TUBB8B: variants seen among roughly 807,000 people sequenced by gnomAD.
The protein encoded by TUBB8B is HSA18p11 beta-tubulin 4Q pseudogene.
TUBB8B carries 26 observed loss-of-function variants against 31.9 expected under a neutral mutation model. The observed-to-expected ratio is 0.81, with a 90% CI of 0.60 to 1.13. The LOEUF (loss-of-function observed/expected upper bound fraction) is 1.13, where lower values mean the gene tolerates loss of function less well. Among genes scored for constraint, TUBB8B ranks in the 50% most tolerant of loss-of-function variants. The probability of loss-of-function intolerance (pLI) is 0.00; values close to 1 mark genes in which losing one functional copy is unlikely to be tolerated. For synonymous variants in TUBB8B, 173 were observed against 231.0 expected (o/e 0.75, Z 2.28); for missense variants, 467 against 586.7 (o/e 0.80, Z 2.11).
rs191337206 is a variant in TUBB8B, at chr18:49,531, G to A, written c.27C>T (p.Thr9=). Residue 9 remains threonine (T), a synonymous_variant, in exon 1 of 4, where the codon ACC becomes ACT. Coordinates refer to ENST00000308911, the MANE Select transcript of TUBB8B (RefSeq NM_001358689.2). ...CGCCGATCTGGTTCCCGCACTGCCC[G>A]GTCTGCGTGAGCACGATTTCCCTCA... MREIVLTQ[T]GQCGNQIGAK... 6.0e-3 allele frequency: 5,656 copies of A among 937,012 alleles called. 319 individuals carry two copies. The African/African-American group carries it at 0.078, about 13-fold the overall frequency. The allele number at this position is 937,012 out of a possible 1,614,324, so 58.0% of individuals were successfully genotyped here. A position where few individuals can be genotyped will look rare whatever the true frequency, so the allele number is the denominator to read the frequency against.
upstream of TUBB8B, among the ~76,000 whole-genome samples, chr18:51,989 T>C (rs1906127663): frequency 1.3e-5 from 2 of 151,408 alleles, no homozygotes; most frequent in African/African-American, 4.8e-5. Context: ...GGGTTTATGG[T>C]TTGCCAGGCT....
At chr18:51,925 A>G (rs11664612), upstream of TUBB8B, among the ~76,000 whole-genome samples, 1,590 of 147,516 alleles carry the variant, frequency 0.011, 19 homozygotes, top group Middle Eastern at 0.021. Context: ...GACTAATACA[A>G]CCTGTATGCC....
the TUBB8B span, among the ~76,000 whole-genome samples, chr18:63,571 C>G: frequency 2.0e-5 from 3 of 151,354 alleles, no homozygotes; most frequent in Non-Finnish European, 4.4e-5. Flanking sequence ...TCACCCAAGG[C>G]CCACTGTAAC....
chr18:63,967 C>T, the TUBB8B span, among the ~76,000 whole-genome samples: 1 of 150,784 alleles, frequency 6.6e-6, no homozygotes, highest in Admixed American at 6.6e-5. Flanking sequence ...TAACCCCTAA[C>T]CCTAACCCCA....
the TUBB8B span, among the ~76,000 whole-genome samples, chr18:62,855 T>A: frequency 1.3e-5 from 2 of 151,852 alleles, no homozygotes; most frequent in Admixed American, 1.3e-4. Flanking sequence ...CCTCTGACTT[T>A]TTCTTTTCAA....
chr18:72,327 C>T, the TUBB8B span, among the ~76,000 whole-genome samples: 2 of 151,956 alleles, frequency 1.3e-5, no homozygotes, highest in African/African-American at 4.8e-5. Context: ...TAGTGACTTT[C>T]TTCAATTAAT....
the TUBB8B span, among the ~76,000 whole-genome samples, chr18:58,547 T>G: frequency 2.7e-4 from 41 of 151,902 alleles, no homozygotes; most frequent in African/African-American, 9.6e-4. Flanking sequence ...AATTTTCATC[T>G]GAGACCTCCT....
the TUBB8B span, among the ~76,000 whole-genome samples, chr18:57,295 AC>A: frequency 1.3e-5 from 2 of 151,798 alleles, no homozygotes; most frequent in African/African-American, 4.8e-5. Context: ...AAAATAAAAA[AC>A]AAATTAAGTG....
In TUBB8B at chr18:47,794, G is replaced by T; in HGVS notation, c.931C>A (p.Leu311Ile). 6.2e-7 allele frequency: 1 copy of T among 1,611,800 alleles called. No homozygotes were observed. Among genetic ancestry groups the T allele is most frequent in the South Asian group, 1.1e-5 (1 of 91,006 alleles). ...CCCCTGAAAATGGCAGCCACCGTTA[G>T]GTAGCAGCCGTGACGGGGGTCACAG... ...AACDPRHGCY[L>I]TVAAIFRGRM... is the part of the protein sequence containing the mutation. The change falls in exon 4 of 4, where the codon CTA becomes ATA. Residue 311 changes from leucine (L) to isoleucine (I), a missense_variant. Physicochemically the swap from Leu to Ile is conservative, Grantham distance 5. Transcript: ENST00000308911.
chr18:60,392 T>C, the TUBB8B span, among the ~76,000 whole-genome samples: 11 of 151,382 alleles, frequency 7.3e-5, no homozygotes, highest in African/African-American at 2.2e-4. Flanking sequence ...TAAATATTTG[T>C]TAATTGTTTT....
chr18:61,003 T>A, the TUBB8B span, among the ~76,000 whole-genome samples: 1 of 151,758 alleles, frequency 6.6e-6, no homozygotes, highest in Non-Finnish European at 1.5e-5. Flanking sequence ...GTCTGATGTT[T>A]CTTTGTTGAT....
At chr18:62,645 T>G in the TUBB8B span, among the ~76,000 whole-genome samples, 1 of 151,696 alleles carries the variant, frequency 6.6e-6, no homozygotes, top group Non-Finnish European at 1.5e-5. Flanking sequence ...ATGGCCTTGA[T>G]CTCTTGACCT....
the TUBB8B span, among the ~76,000 whole-genome samples, chr18:59,023 A>G: frequency 6.6e-6 from 1 of 151,630 alleles, no homozygotes; most frequent in Non-Finnish European, 1.5e-5. Context: ...TCTTATGGGA[A>G]CTCACTCACT....
At chr18:67,026 C>G in the TUBB8B span, among the ~76,000 whole-genome samples, 1 of 148,668 alleles carries the variant, frequency 6.7e-6, no homozygotes, top group East Asian at 2.0e-4. Flanking sequence ...AACGGAGTCT[C>G]ACTCTGTCAC....
upstream of TUBB8B, among the ~76,000 whole-genome samples, chr18:51,598 CCTGT>C (rs942931009): frequency 6.6e-6 from 1 of 151,988 alleles, no homozygotes; most frequent in Non-Finnish European, 1.5e-5. Flanking sequence ...CACCACCATG[CCTGT>C]CTAATTTTTG....
the TUBB8B span, among the ~76,000 whole-genome samples, chr18:72,845 T>C: frequency 5.3e-5 from 8 of 152,046 alleles, no homozygotes; most frequent in Admixed American, 2.6e-4. Context: ...TGCATGCCTG[T>C]AATCCCAGCT....
the TUBB8B span, among the ~76,000 whole-genome samples, chr18:57,257 A>G: frequency 1.3e-5 from 2 of 151,826 alleles, no homozygotes; most frequent in Non-Finnish European, 2.9e-5. Flanking sequence ...TCTAAGACAA[A>G]GCTAGTTTAT....
At chr18:61,503 A>G in the TUBB8B span, among the ~76,000 whole-genome samples, 1 of 151,128 alleles carries the variant, frequency 6.6e-6, no homozygotes, top group Admixed American at 6.6e-5. Flanking sequence ...TTTCTGATTG[A>G]TTTTTGTCCT....
chr18:72,196 A>AAAAAAAAAAACAAAAAAAAAAAAAC, the TUBB8B span, among the ~76,000 whole-genome samples: 1 of 84,536 alleles, frequency 1.2e-5, no homozygotes, highest in South Asian at 4.4e-4. Context: ...AAAAAAAAAA[A>AAAAAAAAAAACAAAAAAAAAAAAAC]AAAGGAAAAA....
Sources: gnomAD v4.1 joint callset for allele counts (sites outside exome capture counted in the v4.1 genomes callset) on GRCh38, gnomAD v4.1.1 for gene constraint, MANE v1.5 for transcripts, NCBI Gene and HGNC (gene_info 2026-07-23, HGNC 2026-07-21) for gene names.